Variants in CEMIP2 observed in about 807,000 individuals in gnomAD.
CEMIP2 encodes the protein cell migration inducing hyaluronidase 2.
Under a neutral mutation model 146.9 loss-of-function variants are expected in CEMIP2, and 79 were observed. The observed-to-expected ratio is 0.54, with a 90% CI of 0.45 to 0.65. The LOEUF is 0.65. Ranked by LOEUF, CEMIP2 falls within the 30% of genes least tolerant of loss-of-function variation. The pLI is 0.00. For synonymous variants in CEMIP2, 601 were observed against 606.3 expected (o/e 0.99, Z 0.13); for missense variants, 1,596 against 1,696.2 (o/e 0.94, Z 1.04).
intron 11 of CEMIP2, among the ~76,000 whole-genome samples, chr9:71,723,906 G>C (rs967007504): frequency 1.3e-5 from 2 of 152,128 alleles, no homozygotes; most frequent in Non-Finnish European, 2.9e-5. Context: ...ATCCTGGACA[G>C]ACATTTCCAA....
chr9:71,743,588 G>C (rs1249652748), intron 4 of CEMIP2, among the ~76,000 whole-genome samples: 1 of 152,062 alleles, frequency 6.6e-6, no homozygotes, highest in Non-Finnish European at 1.5e-5. Context: ...GGCCAATTGA[G>C]AGGCTCCTTC....
intron 20 of CEMIP2, among the ~76,000 whole-genome samples, chr9:71,696,151 T>G (rs1052061425): frequency 1.3e-5 from 2 of 152,178 alleles, no homozygotes; most frequent in African/African-American, 4.8e-5. Context: ...CCTAGAATAT[T>G]TCCAATGTTA....
chr9:71,756,228 G>GA (rs55701944), intron 1 of CEMIP2, among the ~76,000 whole-genome samples: 3 of 102,510 alleles, frequency 2.9e-5, no homozygotes, highest in South Asian at 3.9e-4. Flanking sequence ...ATATATATAT[G>GA]TATATAGGTG....
At chr9:71,705,043 C>A in intron 17 of CEMIP2, 2 of 476,740 alleles carry the variant, frequency 4.2e-6, no homozygotes, top group Admixed American at 7.0e-5. Flanking sequence ...TCGCTTCCAC[C>A]ACTACAGGCC....
chr9:71,720,674 G>A (rs1466087235), intron 12 of CEMIP2, among the ~76,000 whole-genome samples: 1 of 152,148 alleles, frequency 6.6e-6, no homozygotes, highest in East Asian at 1.9e-4. Flanking sequence ...TTTAATATAT[G>A]AGCTGGTTTA....
intron 2 of CEMIP2, among the ~76,000 whole-genome samples, chr9:71,747,597 T>C (rs569913331): frequency 6.6e-6 from 1 of 152,296 alleles, no homozygotes; most frequent in South Asian, 2.1e-4. Context: ...ATAAGCAAGA[T>C]ATGCTTGAAA....
At chr9:71,708,587 G>A (rs934030168) in intron 17 of CEMIP2, among the ~76,000 whole-genome samples, 10 of 152,136 alleles carry the variant, frequency 6.6e-5, no homozygotes, top group Admixed American at 5.9e-4. Flanking sequence ...TAGAATCTGT[G>A]CTCTTAACCA....
chr9:71,715,236 G>GTTTTTTTTTTTT (rs1564005667), intron 14 of CEMIP2, 147 bp from the exon 15 acceptor site: 1 of 376,128 alleles, frequency 2.7e-6, no homozygotes, highest in Non-Finnish European at 4.2e-6. Context: ...TTCAGAAACT[G>GTTTTTTTTTTTT]CTTTTTTTTT....
At chr9:71,700,526 G>T in intron 19 of CEMIP2, 116 bp downstream of exon 19, 2 of 1,042,560 alleles carry the variant, frequency 1.9e-6, no homozygotes, top group Non-Finnish European at 2.8e-6. Context: ...GAGAAGATGT[G>T]CAGAGAATTA....
intron 1 of CEMIP2, among the ~76,000 whole-genome samples, chr9:71,763,893 G>A (rs759850823): frequency 7.2e-5 from 11 of 152,214 alleles, no homozygotes; most frequent in Non-Finnish European, 1.2e-4. Context: ...ACAGCAACCA[G>A]TACAGTGCCT....
At chr9:71,705,048 C>A (rs1300605699) in intron 17 of CEMIP2, 2 of 470,114 alleles carry the variant, frequency 4.3e-6, no homozygotes, top group Non-Finnish European at 7.7e-6. Context: ...TCCACCACTA[C>A]AGGCCAGCTT....
At chr9:71,699,463 A>AT in intron 19 of CEMIP2, 1 of 394,276 alleles carries the variant, frequency 2.5e-6, no homozygotes, top group East Asian at 7.5e-5. Flanking sequence ...AAAAAAAAAA[A>AT]AAGAAAGAAA....
intron 1 of CEMIP2, among the ~76,000 whole-genome samples, chr9:71,757,857 CA>C (rs1277190260): frequency 6.6e-6 from 1 of 152,176 alleles, no homozygotes; most frequent in Non-Finnish European, 1.5e-5. Context: ...ATACCCTGTA[CA>C]TAAAAAAGTG....
intron 14 of CEMIP2, 46 bp downstream of exon 14, chr9:71,716,471 A>C (rs761998993): frequency 1.4e-6 from 2 of 1,465,250 alleles, no homozygotes; most frequent in Non-Finnish European, 1.9e-6. Flanking sequence ...ATCAAGGGTT[A>C]TTTTAAAGCT....
intron 17 of CEMIP2, 166 bp from the exon 18 acceptor site, chr9:71,704,969 C>T: frequency 3.2e-6 from 2 of 621,888 alleles, no homozygotes; most frequent in South Asian, 2.0e-5. Context: ...ACTTATAGTG[C>T]AGCCTACTTA....
intron 11 of CEMIP2, among the ~76,000 whole-genome samples, chr9:71,723,136 GAA>G (rs33948828): frequency 0.061 from 6,390 of 104,222 alleles, 198 homozygotes; most frequent in Middle Eastern, 0.1. Context: ...AACAGCCAAA[GAA>G]AAAAAAAAAA....
At chr9:71,691,690 G>A (rs1173452184) in intron 21 of CEMIP2, among the ~76,000 whole-genome samples, 10 of 152,054 alleles carry the variant, frequency 6.6e-5, no homozygotes, top group Non-Finnish European at 1.5e-4. Context: ...CTAAAGCAAA[G>A]CAAGGTACTG....
intron 10 of CEMIP2, among the ~76,000 whole-genome samples, chr9:71,728,281 G>GTATATACACGTATATATATATATGTA (rs1564012477): frequency 2.2e-4 from 2 of 9,254 alleles, no homozygotes; most frequent in African/African-American, 4.8e-4. Flanking sequence ...ATATATATAT[G>GTATATACACGTATATATATATATGTA]TATATATATA....
At chr9:71,690,028 T>C in intron 22 of CEMIP2, 64 bp downstream of exon 22, 1 of 1,571,408 alleles carries the variant, frequency 6.4e-7, no homozygotes, top group Non-Finnish European at 8.7e-7. Flanking sequence ...CCAGGCATTA[T>C]CAGTTTGGAG....
Sources: allele counts gnomAD v4.1 joint callset (sites outside exome capture counted in the v4.1 genomes callset), GRCh38; gene constraint gnomAD v4.1.1; transcripts MANE v1.5; gene names NCBI Gene and HGNC (gene_info 2026-07-23, HGNC 2026-07-21).